The following SLC9A9 variants were observed in gnomAD, a reference collection of about 807,000 sequenced individuals.
The protein encoded by SLC9A9 is sodium/hydrogen exchanger 9.
A neutral mutation model predicts 77.8 loss-of-function variants in SLC9A9; 62 were observed. The ratio of observed to expected loss-of-function variants is 0.80; its 90% CI spans 0.65 to 0.98. The LOEUF (loss-of-function observed/expected upper bound fraction) is 0.98, where lower values mean the gene tolerates loss of function less well. Ranked by LOEUF, SLC9A9 falls within the 50% of genes least tolerant of loss-of-function variation. The pLI is 0.00. For missense variants in SLC9A9, 775 were observed against 774.9 expected (o/e 1.00, Z 0.00); for synonymous variants, 320 against 283.5 (o/e 1.13, Z -1.29).
intron 12 of SLC9A9, among the ~76,000 whole-genome samples, chr3:143,426,203 C>T (rs1342196043): frequency 2.0e-5 from 3 of 152,110 alleles, no homozygotes; most frequent in Non-Finnish European, 4.4e-5. Context: ...TGGGTTGTTG[C>T]TTCTTTTATT....
chr3:143,387,427 A>G (rs996374744), intron 12 of SLC9A9, among the ~76,000 whole-genome samples: 4 of 152,118 alleles, frequency 2.6e-5, no homozygotes, highest in African/African-American at 9.7e-5. Context: ...ATAAATATAG[A>G]AAAAATATAG....
chr3:143,401,598 C>T (rs2033862969), intron 12 of SLC9A9, among the ~76,000 whole-genome samples: 1 of 152,114 alleles, frequency 6.6e-6, no homozygotes, highest in South Asian at 2.1e-4. Flanking sequence ...TTAAACATAG[C>T]TTTGTTTCCA....
intron 4 of SLC9A9, among the ~76,000 whole-genome samples, chr3:143,747,046 C>A (rs1365682421): frequency 6.6e-6 from 1 of 152,068 alleles, no homozygotes; most frequent in African/African-American, 2.4e-5. Flanking sequence ...GTACGCTGAA[C>A]AATGGGCCCA....
intron 11 of SLC9A9, among the ~76,000 whole-genome samples, chr3:143,474,945 T>C (rs1384096502): frequency 7.3e-6 from 1 of 136,488 alleles, no homozygotes; most frequent in Non-Finnish European, 1.5e-5. Flanking sequence ...CTAAGTGCTC[T>C]CACCTTCACC....
intron 14 of SLC9A9, among the ~76,000 whole-genome samples, chr3:143,284,913 C>G (rs965952592): frequency 6.6e-6 from 1 of 152,092 alleles, no homozygotes; most frequent in Non-Finnish European, 1.5e-5. Context: ...ACAGACAGCT[C>G]TATATGAAGT....
chr3:143,443,055 GGAAA>G (rs1158125509), intron 12 of SLC9A9, among the ~76,000 whole-genome samples: 3 of 152,008 alleles, frequency 2.0e-5, no homozygotes, highest in Non-Finnish European at 1.5e-5. Flanking sequence ...ACAGCCTCTG[GGAAA>G]GAAAGAGTCT....
At chr3:143,832,390 G>C (rs1379905561) in intron 1 of SLC9A9, among the ~76,000 whole-genome samples, 169 bp from the exon 2 acceptor site, 2 of 152,124 alleles carry the variant, frequency 1.3e-5, no homozygotes, top group African/African-American at 4.8e-5. Flanking sequence ...ACATAATATA[G>C]TGTTAAAATA....
chr3:143,579,347 A>G (rs1304452743), intron 6 of SLC9A9, among the ~76,000 whole-genome samples: 1 of 152,142 alleles, frequency 6.6e-6, no homozygotes, highest in African/African-American at 2.4e-5. Flanking sequence ...CATCTTTTAT[A>G]CCCCAATTCT....
intron 4 of SLC9A9, among the ~76,000 whole-genome samples, chr3:143,750,755 A>G (rs1175278007): frequency 6.7e-6 from 1 of 148,472 alleles, no homozygotes; most frequent in Non-Finnish European, 1.5e-5. Context: ...ATATACATAT[A>G]TAATTATATA....
chr3:143,817,618 T>C (rs1341764424), intron 2 of SLC9A9, among the ~76,000 whole-genome samples: 1 of 152,222 alleles, frequency 6.6e-6, no homozygotes, highest in African/African-American at 2.4e-5. Context: ...GATTTATTTG[T>C]GATAAGATGT....
In SLC9A9 at chr3:143,266,675, T is replaced by G; in HGVS notation, c.*27A>C. On this transcript the variant is annotated 3_prime_UTR_variant, in exon 16 of 16. Transcript: ENST00000316549. ...TCCTCAGTGAGTCTTGCATTACTTG[T>G]GATTACATCTGTACTCTTCATGCCA... The G allele has an allele frequency of 6.2e-7, 1 of 1,611,930 alleles. No homozygotes were observed. Among genetic ancestry groups the G allele is most frequent in the Non-Finnish European group, 8.5e-7 (1 of 1,178,126 alleles).
intron 2 of SLC9A9, among the ~76,000 whole-genome samples, chr3:143,806,061 CT>C (rs1385593480): frequency 4.6e-5 from 7 of 151,696 alleles, no homozygotes; most frequent in Admixed American, 6.6e-5. Flanking sequence ...ATCCTTTATT[CT>C]TTTCCCCCCC....
chr3:143,318,009 G>A (rs747546208), intron 14 of SLC9A9, among the ~76,000 whole-genome samples: 2 of 152,182 alleles, frequency 1.3e-5, no homozygotes, highest in Non-Finnish European at 2.9e-5. Context: ...TTACAGGCCT[G>A]AGCCACCGTG....
At position 143,266,045 on chromosome 3, in the gene SLC9A9, G is replaced by A. The variant is rs1459683502; in HGVS notation, c.*657C>T. On this transcript the variant is annotated 3_prime_UTR_variant, in exon 16 of 16. Transcript: ENST00000316549. Reference sequence around the variant, plus strand: ...AAAGTGGTGCTGCATTTAGGGCAGGGCACACCCAGCCATAGGCAACCCCTT... The same window carrying A: ...AAAGTGGTGCTGCATTTAGGGCAGGACACACCCAGCCATAGGCAACCCCTT... 2.8e-6 allele frequency: 2 copies of A among 702,254 alleles called. No homozygotes were observed. Among genetic ancestry groups the A allele is most frequent in the African/African-American group, 1.7e-5 (1 of 57,240 alleles). 43.5% of individuals were successfully genotyped at this position (702,254 alleles called of 1,614,324 possible).
In SLC9A9 at chr3:143,412,057, C is replaced by A. The variant is rs182708972; in HGVS notation, c.1470-29943G>T. ...AGTCAGTATGACTTGGTAACCTCATCAAATTCCACACCCTGTAGTCAGGAG... is the reference window on the plus strand; with the variant it reads ...AGTCAGTATGACTTGGTAACCTCATAAAATTCCACACCCTGTAGTCAGGAG... On this transcript the variant is annotated intron_variant, in intron 12 of 15. Transcript: ENST00000316549. Among the ~76,000 whole-genome samples the A allele has an allele frequency of 9.2e-5, 14 of 152,246 alleles. No individual in the cohort carries two copies. In the East Asian group the frequency reaches 2.7e-3, roughly 29 times the overall value.
chr3:143,792,756 A>G (rs2008261106), intron 4 of SLC9A9, among the ~76,000 whole-genome samples: 1 of 152,224 alleles, frequency 6.6e-6, no homozygotes, highest in Non-Finnish European at 1.5e-5. Context: ...TCACCAAGCT[A>G]ATGACTCTAC....
intron 4 of SLC9A9, among the ~76,000 whole-genome samples, chr3:143,764,802 C>G (rs2007247246): frequency 6.6e-6 from 1 of 152,154 alleles, no homozygotes; most frequent in African/African-American, 2.4e-5. Context: ...GTTTCTAACT[C>G]CTGGCCTCAA....
intron 12 of SLC9A9, among the ~76,000 whole-genome samples, chr3:143,387,029 T>C (rs148404604): frequency 0.016 from 2,374 of 152,158 alleles, 40 homozygotes; most frequent in Middle Eastern, 0.031. Flanking sequence ...TCAGTAGAGA[T>C]GGGGTTTTGT....
chr3:143,284,527 A>G (rs1294488914), intron 14 of SLC9A9, among the ~76,000 whole-genome samples: 2 of 151,706 alleles, frequency 1.3e-5, no homozygotes, highest in African/African-American at 4.8e-5. Context: ...ATTTTCCCTC[A>G]TTTATATCCC....
Sources: gnomAD v4.1 joint callset for allele counts (sites outside exome capture counted in the v4.1 genomes callset) on GRCh38, gnomAD v4.1.1 for gene constraint, MANE v1.5 for transcripts, NCBI Gene and HGNC (gene_info 2026-07-23, HGNC 2026-07-21) for gene names.